FRYL: variants seen among roughly 807,000 people sequenced by gnomAD.
The protein encoded by FRYL is FRY like transcription coactivator.
A neutral mutation model predicts 351.2 loss-of-function variants in FRYL; 150 were observed. The ratio of observed to expected loss-of-function variants is 0.43; its 90% CI spans 0.37 to 0.49. The LOEUF (loss-of-function observed/expected upper bound fraction) is 0.49, where lower values mean the gene tolerates loss of function less well. Ranked by LOEUF, FRYL falls within the 20% of genes least tolerant of loss-of-function variation. FRYL has a pLI of 0.00. For synonymous variants in FRYL, 1,153 were observed against 1,257.1 expected, an observed-to-expected ratio of 0.92 and a Z score of 1.75; for missense variants, 3,036 against 3,619.3, an observed-to-expected ratio of 0.84 and a Z score of 4.13.
chr4:48,507,533 A>AGTT (rs1721416965), intron 59 of FRYL, among the ~76,000 whole-genome samples: 2 of 19,826 alleles, frequency 1.0e-4, no homozygotes, highest in East Asian at 2.0e-3. Flanking sequence ...CACTCAAACA[A>AGTT]ACAGTTAGTT....
intron 36 of FRYL, 27 bp downstream of exon 36, chr4:48,553,188 A>G: frequency 6.3e-7 from 1 of 1,590,328 alleles, no homozygotes; most frequent in Non-Finnish European, 8.6e-7. Flanking sequence ...CATCTCACAC[A>G]GCAATCGGTT....
At position 48,738,838 on chromosome 4, in the gene FRYL, T is replaced by C. The variant is rs1771723008; in HGVS notation, c.-383-28140A>G. Among the ~76,000 whole-genome samples the C allele has an allele frequency of 2.6e-5, 4 of 152,184 alleles. No individual in the cohort carries two copies. The South Asian group carries it at 8.3e-4, about 32-fold the overall frequency. On this transcript the variant is annotated intron_variant, in intron 1 of 63. Coordinates refer to ENST00000358350, the MANE Select transcript of FRYL (RefSeq NM_015030.2). ...CTCAATATTGTAACAATGTTAGTTA[T>C]TCCCAACTTGATCTATAGGGTCAAC...
At chr4:48,746,528 G>A (rs1346319420) in intron 1 of FRYL, among the ~76,000 whole-genome samples, 3 of 150,056 alleles carry the variant, frequency 2.0e-5, no homozygotes, top group Non-Finnish European at 4.4e-5. Context: ...CCGGGCGACA[G>A]AGCAAGACTC....
intron 32 of FRYL, among the ~76,000 whole-genome samples, chr4:48,562,208 GA>G (rs1033870690): frequency 3.3e-4 from 47 of 143,146 alleles, no homozygotes; most frequent in South Asian, 1.1e-3. Flanking sequence ...ATGCATAAGT[GA>G]AAAAAAAAAA....
In FRYL at chr4:48,528,266, A is replaced by G. The variant is rs368702124; in HGVS notation, c.6974T>C (p.Ile2325Thr). The change falls in exon 51 of 64, where the codon ATT (isoleucine) becomes ACT (threonine). Residue 2325 changes from isoleucine to threonine, a missense_variant. Ile to Thr is a moderately conservative substitution (Grantham distance 89). Transcript: ENST00000358350. ...TGAGGAAGTACTTCTAGTGACAGCA[A>G]TAACTTTTGGTTTCCCATTTCTTCC... ...AAGRNGKPKV[I>T]AVTRSTSSTS... is the part of the protein sequence containing the mutation. 2.4e-5 allele frequency: 38 copies of G among 1,613,290 alleles called. No individual in the cohort carries two copies. The highest frequency in any genetic ancestry group is 1.7e-4 in the Admixed American group (10 of 59,946).
chr4:48,589,902 T>C (rs766929972), intron 17 of FRYL, 25 bp from the exon 18 acceptor site: 8 of 1,571,858 alleles, frequency 5.1e-6, no homozygotes, highest in Admixed American at 1.7e-5. Flanking sequence ...TTCACAGTTA[T>C]AAAATATCTG....
At chr4:48,653,532 A>G (rs1758145177) in intron 3 of FRYL, among the ~76,000 whole-genome samples, 1 of 152,156 alleles carries the variant, frequency 6.6e-6, no homozygotes, top group African/African-American at 2.4e-5. Context: ...TGATTTTACA[A>G]CTGTCTGATG....
intron 3 of FRYL, among the ~76,000 whole-genome samples, chr4:48,678,561 T>C (rs1334370642): frequency 7.2e-6 from 1 of 139,334 alleles, no homozygotes; most frequent in African/African-American, 2.7e-5. Context: ...TCAGTACAAG[T>C]ACATTGGAAG....
chr4:48,507,754 G>T (rs534879218), intron 59 of FRYL, among the ~76,000 whole-genome samples: 4 of 152,248 alleles, frequency 2.6e-5, no homozygotes, highest in African/African-American at 9.6e-5. Flanking sequence ...GATATTGAGG[G>T]CCAATATCCT....
Position 48,603,299 on chromosome 4 carries a change from C to T in FRYL, c.924G>A (p.Lys308=). The T allele has an allele frequency of 6.2e-7, 1 of 1,601,324 alleles. No homozygotes were observed. Among genetic ancestry groups the T allele is most frequent in the Non-Finnish European group, 8.5e-7 (1 of 1,171,954 alleles). Residue 308 remains lysine, a synonymous_variant, in exon 12 of 64, where the codon AAG becomes AAA. Transcript: ENST00000358350. ...AAATGTTTCTTAATACCAATGAATG[C>T]TTCTTTCTCGAGCTCAGTTCAAAAG... The part of the protein sequence containing the change: ...QTTFELSSRK[K]HSLALYPLIT...
rs558333358 is a variant in FRYL at position 48,540,134 on chromosome 4, A to G, written c.6296-66T>C. The G allele has an allele frequency of 1.2e-5, 15 of 1,300,050 alleles. No individual in the cohort carries two copies. In the African/African-American group the frequency reaches 2.1e-4, roughly 18 times the overall value. 80.5% of individuals were successfully genotyped at this position (1,300,050 alleles called of 1,614,324 possible). On this transcript the variant is annotated intron_variant, in intron 46 of 63. Transcript: ENST00000358350. ...GCACATTATTTTAAAAGTTAAAGTT[A>G]TTTTTTTAGATGGTTCACAGAAACC...
intron 2 of FRYL, among the ~76,000 whole-genome samples, chr4:48,708,302 AT>A (rs1467305841): frequency 2.2e-4 from 1 of 4,568 alleles, no homozygotes; most frequent in African/African-American, 2.4e-4. Context: ...AAATAAATAA[AT>A]AAATAAAAAT....
Position 48,561,615 on chromosome 4 carries a change from G to A in FRYL, c.3718C>T (p.Arg1240Cys), listed in dbSNP as rs773621928. 16 of 1,610,312 alleles carry A rather than the reference G, an allele frequency of 9.9e-6. No individual in the cohort carries two copies. The highest frequency in any genetic ancestry group is 2.2e-5 in the East Asian group (1 of 44,834). Residue 1240 changes from arginine (R) to cysteine (C), a missense_variant, in exon 33 of 64, where the codon CGC becomes TGC. Physicochemically the swap from Arg to Cys is radical, Grantham distance 180. Coordinates refer to ENST00000358350, the MANE Select transcript of FRYL (RefSeq NM_015030.2). ...TGAACCTCCAATTTGTGAGCATAGC[G>A]AAACATCTTCGGTTCCAGAATCTAT... ...LLQILEPKMF[R>C]YAHKLEVQRT...
At chr4:48,688,616 AT>A in intron 2 of FRYL, among the ~76,000 whole-genome samples, 1 of 151,106 alleles carries the variant, frequency 6.6e-6, no homozygotes, top group Non-Finnish European at 1.5e-5. Context: ...TAATTTTTAA[AT>A]TTTTTTAAAA....
At chr4:48,632,108 A>ATATATGTATATG (rs1553957664) in intron 4 of FRYL, among the ~76,000 whole-genome samples, 18 of 64,404 alleles carry the variant, frequency 2.8e-4, no homozygotes, top group Non-Finnish European at 5.8e-4. Context: ...ATATATATAT[A>ATATATGTATATG]TATATATATA....
chr4:48,676,481 C>T (rs181175059), intron 3 of FRYL, among the ~76,000 whole-genome samples: 35 of 152,154 alleles, frequency 2.3e-4, no homozygotes, highest in East Asian at 7.7e-4. Context: ...CCACCAATTC[C>T]GGGGACACTC....
At chr4:48,693,980 C>T (rs1383356104) in intron 2 of FRYL, among the ~76,000 whole-genome samples, 1 of 102,310 alleles carries the variant, frequency 9.8e-6, no homozygotes, top group Non-Finnish European at 2.0e-5. Context: ...AACAGAGCCA[C>T]CAAAGTGTTT....
intron 3 of FRYL, among the ~76,000 whole-genome samples, chr4:48,650,382 C>T (rs80139528): frequency 0.014 from 2,171 of 152,186 alleles, 27 homozygotes; most frequent in Non-Finnish European, 0.023. Context: ...GACAATCAAC[C>T]AATACCCTCC....
At chr4:48,658,584 C>CAA (rs11388062) in intron 3 of FRYL, among the ~76,000 whole-genome samples, 2,627 of 95,804 alleles carry the variant, frequency 0.027, 101 homozygotes, top group African/African-American at 0.078. Flanking sequence ...CAAAAAAATA[C>CAA]AAAAAAAAAA....
Sources: gnomAD v4.1 joint callset for allele counts (sites outside exome capture counted in the v4.1 genomes callset) on GRCh38, gnomAD v4.1.1 for gene constraint, MANE v1.5 for transcripts, NCBI Gene and HGNC (gene_info 2026-07-23, HGNC 2026-07-21) for gene names.